The following USP32 variants were observed in gnomAD, a reference collection of about 807,000 sequenced individuals.
USP32 encodes ubiquitin carboxyl-terminal hydrolase 32.
A neutral mutation model predicts 204.8 loss-of-function variants in USP32; 59 were observed. The ratio of observed to expected loss-of-function variants is 0.29; its 90% confidence interval spans 0.23 to 0.36. The LOEUF (loss-of-function observed/expected upper bound fraction) is 0.36, where lower values mean the gene tolerates loss of function less well. Ranked by LOEUF, USP32 falls within the 10% of genes least tolerant of loss-of-function variation. USP32 has a pLI of 1.00. For missense variants in USP32, 1,160 were observed against 1,946.4 expected (o/e 0.60, Z 7.60); for synonymous variants, 517 against 678.4 (o/e 0.76, Z 3.70).
At chr17:60,270,420 C>T (rs1051326619) in intron 6 of USP32, among the ~76,000 whole-genome samples, 4 of 152,064 alleles carry the variant, frequency 2.6e-5, no homozygotes, top group African/African-American at 9.7e-5. Context: ...CATGATTTGC[C>T]AAATATAAGT....
At chr17:60,326,371 C>A (rs973890825) in intron 2 of USP32, among the ~76,000 whole-genome samples, 1 of 151,450 alleles carries the variant, frequency 6.6e-6, no homozygotes, top group Non-Finnish European at 1.5e-5. Flanking sequence ...AGTGGAATGG[C>A]GCAATCTCGG....
chr17:60,298,343 T>C (rs1156318515), intron 3 of USP32, among the ~76,000 whole-genome samples: 1 of 152,216 alleles, frequency 6.6e-6, no homozygotes, highest in Admixed American at 6.5e-5. Flanking sequence ...CCTGTCAAAA[T>C]GGCCAACTTG....
At chr17:60,198,775 T>G (rs2084593894) in intron 26 of USP32, among the ~76,000 whole-genome samples, 1 of 152,220 alleles carries the variant, frequency 6.6e-6, no homozygotes, top group Non-Finnish European at 1.5e-5. Context: ...AATAGCTTCA[T>G]AGCTAAGGGC....
At chr17:60,191,224 AAACCCTGTCTCTACT>A in intron 28 of USP32, among the ~76,000 whole-genome samples, 1 of 151,958 alleles carries the variant, frequency 6.6e-6, no homozygotes, top group South Asian at 2.1e-4. Flanking sequence ...CAACATGGTG[AAACCCTGTCTCTACT>A]AAAACTACAA....
chr17:60,222,677 ATTTTTTTT>A (rs373799936), intron 14 of USP32, 128 bp from the exon 15 acceptor site: 5 of 471,298 alleles, frequency 1.1e-5, no homozygotes, highest in Admixed American at 7.7e-5. Context: ...GAAAAACTTA[ATTTTTTTT>A]TTTTTTTTTT....
In USP32 at chr17:60,271,413, G is replaced by A. The variant is rs1222308608; in HGVS notation, c.640C>T (p.Arg214Ter). The A allele has an allele frequency of 1.2e-6, 2 of 1,613,936 alleles. No individual in the cohort carries two copies. Among genetic ancestry groups the A allele is most frequent in the South Asian group, 1.1e-5 (1 of 91,082 alleles). ...GGGCCAAATGTCTCTAAATCAAATC[G>A]TCCAGTCCGGGATTGAGCCTTCAAT... is the stretch of plus-strand genomic sequence containing the variant. ...WLLKAQSRTG[R>*]FDLETFGPLV... is the part of the protein sequence containing the mutation. The change falls in exon 6 of 34, where the codon CGA becomes TGA. Residue 214 changes from arginine to a stop codon, truncating the protein, a stop_gained. Transcript: ENST00000300896. LOFTEE classifies it high-confidence loss of function.
At chr17:60,192,590 A>G (rs1289355655) in intron 28 of USP32, among the ~76,000 whole-genome samples, 1 of 151,958 alleles carries the variant, frequency 6.6e-6, no homozygotes, top group Non-Finnish European at 1.5e-5. Flanking sequence ...ACGCATCACC[A>G]CGCCCCGCTA....
At chr17:60,280,959 A>C (rs764403289) in intron 5 of USP32, among the ~76,000 whole-genome samples, 1 of 152,252 alleles carries the variant, frequency 6.6e-6, no homozygotes, top group African/African-American at 2.4e-5. Context: ...AGACTCACTA[A>C]GAAAGTAGCT....
In USP32 at chr17:60,289,785, G is replaced by T. The variant is rs2145853793; in HGVS notation, c.412-1103C>A. Among the ~76,000 whole-genome samples the T allele has an allele frequency of 1.3e-5, 2 of 152,228 alleles. 1 individual carries two copies. Among genetic ancestry groups the T allele is most frequent in the East Asian group, 3.9e-4 (2 of 5,188 alleles). On this transcript the variant is annotated intron_variant, in intron 4 of 33. Coordinates refer to ENST00000300896, the MANE Select transcript of USP32 (RefSeq NM_032582.4). ...TGAACTATTTGATCAGGAAAAAAAA[G>T]AAAGAAATACATTGAATAATGACAG...
At chr17:60,359,202 A>C (rs1004544025) in intron 1 of USP32, among the ~76,000 whole-genome samples, 3 of 152,122 alleles carry the variant, frequency 2.0e-5, no homozygotes, top group Non-Finnish European at 4.4e-5. Context: ...CCCTCCTACA[A>C]AATAACTTTC....
chr17:60,184,148 T>TA, intron 30 of USP32, among the ~76,000 whole-genome samples: 1 of 150,982 alleles, frequency 6.6e-6, no homozygotes, highest in East Asian at 2.0e-4. Context: ...AATAAATAAA[T>TA]AAAAAACACA....
chr17:60,413,383 A>G (rs980823212), intron 1 of USP32, among the ~76,000 whole-genome samples: 7 of 152,196 alleles, frequency 4.6e-5, no homozygotes, highest in African/African-American at 1.4e-4. Flanking sequence ...CTGACCTCCC[A>G]GATGGCTTAC....
chr17:60,222,987 A>C (rs2085294702), intron 14 of USP32, among the ~76,000 whole-genome samples: 1 of 152,102 alleles, frequency 6.6e-6, no homozygotes, highest in Admixed American at 6.6e-5. Flanking sequence ...CAGCAAAAAA[A>C]CTGAATTTTT....
At position 60,219,953 on chromosome 17, in the gene USP32, C is replaced by T. The variant is rs1467147616; in HGVS notation, c.1750-166G>A. On this transcript the variant is annotated intron_variant, in intron 15 of 33. Coordinates refer to ENST00000300896, the MANE Select transcript of USP32 (RefSeq NM_032582.4). ...CATTTAAGTTACATGGATCTGATTA[C>T]TGTTAAAATTCCTGCTCCGAAACCC... Among the ~76,000 whole-genome samples the T allele has an allele frequency of 2.0e-5, 3 of 151,512 alleles. No individual in the cohort carries two copies. The East Asian group carries it at 5.8e-4, about 29-fold the overall frequency.
intron 2 of USP32, among the ~76,000 whole-genome samples, chr17:60,331,578 A>C (rs955380373): frequency 2.1e-5 from 3 of 145,238 alleles, no homozygotes; most frequent in Middle Eastern, 3.7e-3. Context: ...AAAAAAATAA[A>C]ATAAACTTTA....
chr17:60,311,566 T>C (rs1008027912), intron 2 of USP32, among the ~76,000 whole-genome samples: 3 of 152,224 alleles, frequency 2.0e-5, no homozygotes, highest in Admixed American at 2.0e-4. Flanking sequence ...CTCACGCCTG[T>C]AATCCCAACA....
chr17:60,308,628 C>T (rs969974995), intron 2 of USP32, among the ~76,000 whole-genome samples: 17 of 152,138 alleles, frequency 1.1e-4, no homozygotes, highest in African/African-American at 3.6e-4. Context: ...GATAACTATA[C>T]GCAGAAAAAT....
At chr17:60,344,364 G>A (rs1008775388) in intron 2 of USP32, among the ~76,000 whole-genome samples, 3 of 152,016 alleles carry the variant, frequency 2.0e-5, no homozygotes, top group Non-Finnish European at 4.4e-5. Flanking sequence ...TCCTGACCTC[G>A]TGATTCACCC....
At chr17:60,277,221 G>A (rs899911844) in intron 5 of USP32, among the ~76,000 whole-genome samples, 12 of 152,032 alleles carry the variant, frequency 7.9e-5, no homozygotes, top group Non-Finnish European at 1.6e-4. Flanking sequence ...GTAGTTCTTG[G>A]TCTGCACTTT....
Sources: gnomAD v4.1 joint callset for allele counts (sites outside exome capture counted in the v4.1 genomes callset) on GRCh38, gnomAD v4.1.1 for gene constraint, MANE v1.5 for transcripts, NCBI Gene and HGNC (gene_info 2026-07-23, HGNC 2026-07-21) for gene names.